LPA: variants seen among roughly 807,000 people sequenced by gnomAD.
LPA encodes lipoprotein(a).
Under a neutral mutation model 197.9 loss-of-function variants are expected in LPA, and 199 were observed. The ratio of observed to expected loss-of-function variants is 1.01; its 90% CI spans 0.90 to 1.13. The LOEUF (loss-of-function observed/expected upper bound fraction) is 1.13, where lower values mean the gene tolerates loss of function less well. Among genes scored for constraint, LPA ranks in the 50% most tolerant of loss-of-function variants. The pLI, the probability that LPA is intolerant of heterozygous loss-of-function variation, is 0.00. For synonymous variants in LPA, 715 were observed against 639.5 expected, an observed-to-expected ratio of 1.12 and a Z score of -1.78; for missense variants, 1,853 against 1,785.8, an observed-to-expected ratio of 1.04 and a Z score of -0.68.
chr6:160,601,192 T>G lies in LPA; in HGVS notation c.2946-94A>C. 4 of 1,088,938 alleles carry G rather than the reference T, an allele frequency of 3.7e-6. No individual in the cohort carries two copies. The South Asian group carries it at 5.0e-5, about 14-fold the overall frequency. The allele number at this position is 1,088,938 out of a possible 1,614,324, so 67.5% of individuals were successfully genotyped here. On this transcript the variant is annotated intron_variant, in intron 18 of 38. Coordinates refer to ENST00000316300, the MANE Select transcript of LPA (RefSeq NM_005577.4). Reference sequence around the variant, plus strand: ...ACAACAAGGTCATTACTGGTGCCTTTGAAATATTCCCAAAAGAGATACCAT... The same window carrying G: ...ACAACAAGGTCATTACTGGTGCCTTGGAAATATTCCCAAAAGAGATACCAT...
chr6:160,570,235 CAA>C (rs1452467660), intron 28 of LPA, among the ~76,000 whole-genome samples: 16 of 152,196 alleles, frequency 1.1e-4, no homozygotes, highest in African/African-American at 2.9e-4. Context: ...GGAACCAACA[CAA>C]ACGTCCATCA....
intron 20 of LPA, among the ~76,000 whole-genome samples, chr6:160,598,354 T>G (rs1234570163): frequency 6.6e-6 from 1 of 152,202 alleles, no homozygotes; most frequent in Non-Finnish European, 1.5e-5. Context: ...AAATCCTAAC[T>G]ACCTGAGTAA....
intron 30 of LPA, among the ~76,000 whole-genome samples, chr6:160,553,508 T>C (rs979300024): frequency 2.0e-5 from 3 of 152,204 alleles, no homozygotes; most frequent in Admixed American, 1.3e-4. Context: ...TTGATCTGTT[T>C]TTATTTCTCT....
intron 2 of LPA, among the ~76,000 whole-genome samples, chr6:160,647,200 T>A (rs1334348291): frequency 1.3e-5 from 2 of 152,080 alleles, no homozygotes; most frequent in South Asian, 2.1e-4. Flanking sequence ...TCCCATGGCA[T>A]AAAGGAAGAT....
chr6:160,546,231 G>T (rs112877245), intron 32 of LPA, among the ~76,000 whole-genome samples: 47 of 152,296 alleles, frequency 3.1e-4, no homozygotes, highest in African/African-American at 1.1e-3. Flanking sequence ...GGGGCCGAAG[G>T]TGAGCCGATC....
chr6:160,609,907 A>G (rs567186820), intron 16 of LPA, among the ~76,000 whole-genome samples: 1 of 152,028 alleles, frequency 6.6e-6, no homozygotes, highest in African/African-American at 2.4e-5. Flanking sequence ...TGAAACATCT[A>G]AATTTTTCAG....
At chr6:160,653,965 ATTATATATAATAT>A (rs1780055924) in intron 1 of LPA, among the ~76,000 whole-genome samples, 1 of 26,424 alleles carries the variant, frequency 3.8e-5, no homozygotes, top group African/African-American at 1.6e-4. Context: ...TATAATATAT[ATTATATATAATAT>A]ATAATATATA....
At chr6:160,577,058 G>T (rs1248828198) in intron 28 of LPA, 78 bp downstream of exon 28, 3 of 1,558,126 alleles carry the variant, frequency 1.9e-6, no homozygotes, top group Non-Finnish European at 2.7e-6. Flanking sequence ...TCCCTAGGAA[G>T]TGAGCTTAAA....
intron 18 of LPA, among the ~76,000 whole-genome samples, chr6:160,601,608 CTCAT>C (rs1228202338): frequency 6.6e-6 from 1 of 152,202 alleles, no homozygotes; most frequent in African/African-American, 2.4e-5. Context: ...GGCCAGCAGT[CTCAT>C]TCAATGTACT....
At chr6:160,573,988 A>G (rs1778609061) in intron 28 of LPA, among the ~76,000 whole-genome samples, 1 of 152,100 alleles carries the variant, frequency 6.6e-6, no homozygotes, top group East Asian at 1.9e-4. Context: ...GTCTTCTGCT[A>G]CCAGGGTGGG....
chr6:160,557,430 A>C lies in LPA; in HGVS notation c.4773T>G (p.Thr1591=). 6.2e-7 allele frequency: 1 copy of C among 1,614,164 alleles called. No individual in the cohort carries two copies. Among genetic ancestry groups the C allele is most frequent in the Non-Finnish European group, 8.5e-7 (1 of 1,180,022 alleles). Residue 1591 remains threonine, a synonymous_variant, in exon 29 of 39, where the codon ACT becomes ACG. Transcript: ENST00000316300. ...ETESGVLETP[T]VVPVPSMEAH... ...CCTCCATGCTTGGAACTGGAACAAC[A>C]GTGGGAGTCTCTAGGACACCTGATT...
chr6:160,531,790 C>T lies in LPA; in HGVS notation c.6062G>A (p.Gly2021Asp). 1.9e-6 allele frequency: 3 copies of T among 1,614,100 alleles called. No individual in the cohort carries two copies. Among genetic ancestry groups the T allele is most frequent in the Non-Finnish European group, 2.5e-6 (3 of 1,179,994 alleles). ...GLGCARPNKPGVYARVSRFVT... is the reference protein window; with the variant it reads ...GLGCARPNKPDVYARVSRFVT... Reference sequence around the variant, plus strand: ...AAACCTTGAAACACGAGCATAGACACCAGGCTTATTGGGGCGTGCACAGCC... The same window carrying T: ...AAACCTTGAAACACGAGCATAGACATCAGGCTTATTGGGGCGTGCACAGCC... Residue 2021 changes from glycine (G) to aspartate (D), a missense_variant, in exon 39 of 39, where the codon GGT becomes GAT. This residue lies in a region of LPA where 1,737 missense variants were observed against 1,504.4 expected (regional missense o/e 1.15). Coordinates refer to ENST00000316300, the MANE Select transcript of LPA (RefSeq NM_005577.4).
At chr6:160,567,429 A>T (rs557999693) in intron 28 of LPA, among the ~76,000 whole-genome samples, 7 of 152,346 alleles carry the variant, frequency 4.6e-5, no homozygotes, top group African/African-American at 1.7e-4. Context: ...AGAAATAAAG[A>T]TATTCTTTGA....
At chr6:160,550,682 A>T (rs1778153784) in intron 30 of LPA, among the ~76,000 whole-genome samples, 1 of 152,102 alleles carries the variant, frequency 6.6e-6, no homozygotes, top group African/African-American at 2.4e-5. Context: ...CTGCTCAATC[A>T]ATCTCTGCTA....
At chr6:160,558,044 T>C (rs554952173) in intron 28 of LPA, among the ~76,000 whole-genome samples, 462 of 151,984 alleles carry the variant, frequency 3.0e-3, no homozygotes, top group Non-Finnish European at 5.7e-3. Flanking sequence ...CTCAGTCTCC[T>C]GAGTAGCTGG....
At chr6:160,556,513 A>G (rs565384851) in intron 29 of LPA, among the ~76,000 whole-genome samples, 1 of 152,196 alleles carries the variant, frequency 6.6e-6, no homozygotes, top group African/African-American at 2.4e-5. Flanking sequence ...ACGATGATGG[A>G]TTAGGTTATG....
Position 160,595,661 on chromosome 6 carries a change from A to G in LPA, c.3288-126T>C, listed in dbSNP as rs968191801. The G allele has an allele frequency of 4.4e-6, 6 of 1,368,928 alleles. No individual in the cohort carries two copies. In the African/African-American group the frequency reaches 5.8e-5, roughly 13 times the overall value. The allele number at this position is 1,368,928 out of a possible 1,614,324, so 84.8% of individuals were successfully genotyped here. On this transcript the variant is annotated intron_variant, in intron 20 of 38. Transcript: ENST00000316300. The stretch of plus-strand genomic sequence containing the variant: ...TTGAAATATTTTCACTAAAGGTCCC[A>G]TAATATGCACAAATGGTCCTCAACT...
intron 27 of LPA, among the ~76,000 whole-genome samples, chr6:160,577,673 A>G (rs1048306844): frequency 6.6e-6 from 1 of 152,142 alleles, no homozygotes; most frequent in Non-Finnish European, 1.5e-5. Flanking sequence ...GGGCCGACAC[A>G]AGACCCTTGC....
intron 1 of LPA, 68 bp from the exon 2 acceptor site, chr6:160,650,565 T>A: frequency 1.3e-6 from 2 of 1,494,330 alleles, no homozygotes; most frequent in Non-Finnish European, 1.9e-6. Flanking sequence ...AAGTCATTTA[T>A]GACACAAACA....
Sources: allele counts gnomAD v4.1 joint callset (sites outside exome capture counted in the v4.1 genomes callset), GRCh38; gene constraint gnomAD v4.1.1; regional missense constraint gnomAD v4.1.1; transcripts MANE v1.5; gene names NCBI Gene and HGNC (gene_info 2026-07-23, HGNC 2026-07-21).